The following LAMTOR3 variants were observed in gnomAD, a reference collection of about 807,000 sequenced individuals.
LAMTOR3 encodes the protein late endosomal/lysosomal adaptor, MAPK and MTOR activator 3, also known as ragulator complex protein LAMTOR3.
In LAMTOR3, 14 loss-of-function variants were observed where a neutral mutation model predicts 20.3. The ratio of observed to expected loss-of-function variants is 0.69; its 90% CI spans 0.46 to 1.08. The LOEUF (loss-of-function observed/expected upper bound fraction) is 1.08, where lower values mean the gene tolerates loss of function less well. Ranked by LOEUF, LAMTOR3 falls within the 50% of genes least tolerant of loss-of-function variation. LAMTOR3 has a pLI of 0.00. For missense variants in LAMTOR3, 125 were observed against 143.7 expected (o/e 0.87, Z 0.67); for synonymous variants, 40 against 49.4 (o/e 0.81, Z 0.80).
At chr4:99,884,321 T>G (rs1326828145) in intron 5 of LAMTOR3, among the ~76,000 whole-genome samples, 196 bp from the exon 6 acceptor site, 1 of 152,184 alleles carries the variant, frequency 6.6e-6, no homozygotes, top group East Asian at 1.9e-4. Context: ...GATGATCTCT[T>G]AGAGACATTA....
At chr4:99,884,797 T>C (rs1020981804) in intron 5 of LAMTOR3, among the ~76,000 whole-genome samples, 2 of 152,100 alleles carry the variant, frequency 1.3e-5, no homozygotes, top group Non-Finnish European at 2.9e-5. Flanking sequence ...AAAGTCCGTC[T>C]CTACCAAAAA....
chr4:99,878,466 A>T lies in LAMTOR3; in HGVS notation c.*3528T>A, dbSNP rs953757545. On this transcript the variant is annotated 3_prime_UTR_variant, in exon 7 of 7. Transcript: ENST00000499666. ...AAACTCAAAGTACAATGAAGTTTACAATGAAAAGGCTCACTCCTGGGATCC... is the reference window on the plus strand; with the variant it reads ...AAACTCAAAGTACAATGAAGTTTACTATGAAAAGGCTCACTCCTGGGATCC... 1 of 152,222 alleles carries T rather than the reference A, an allele frequency of 6.6e-6. No homozygotes were observed. Among genetic ancestry groups the T allele is most frequent in the African/African-American group, 2.4e-5 (1 of 41,468 alleles). 9.4% of individuals were successfully genotyped at this position (152,222 alleles called of 1,614,324 possible). A position where few individuals can be genotyped will look rare whatever the true frequency, so the allele number is the denominator to read the frequency against.
rs937373119 is a variant in LAMTOR3, at chr4:99,879,404, A to G, written c.*2590T>C. The G allele has an allele frequency of 2.6e-5, 4 of 152,202 alleles. No individual in the cohort carries two copies. Among genetic ancestry groups the G allele is most frequent in the African/African-American group, 9.7e-5 (4 of 41,442 alleles). 9.4% of individuals were successfully genotyped at this position (152,202 alleles called of 1,614,324 possible). A position where few individuals can be genotyped will look rare whatever the true frequency, so the allele number is the denominator to read the frequency against. On this transcript the variant is annotated 3_prime_UTR_variant, in exon 7 of 7. Coordinates refer to ENST00000499666, the MANE Select transcript of LAMTOR3 (RefSeq NM_021970.4). ...AACAGTGGCAGCATTCAACATGTAA[A>G]GGTTAAGTAGCTCCATTTGTTATCA...
intron 3 of LAMTOR3, among the ~76,000 whole-genome samples, chr4:99,889,059 G>T (rs752344307): frequency 5.3e-5 from 8 of 152,068 alleles, no homozygotes; most frequent in Non-Finnish European, 1.0e-4. Flanking sequence ...ACAAAAATTA[G>T]CTGGGTGTGG....
intron 3 of LAMTOR3, among the ~76,000 whole-genome samples, chr4:99,888,112 C>G (rs1458226393): frequency 1.3e-5 from 2 of 152,188 alleles, no homozygotes; most frequent in African/African-American, 4.8e-5. Flanking sequence ...AACGGTCAAG[C>G]TATAGCTCTA....
intron 3 of LAMTOR3, among the ~76,000 whole-genome samples, chr4:99,888,490 T>G (rs1439882005): frequency 6.6e-6 from 1 of 152,198 alleles, no homozygotes; most frequent in Non-Finnish European, 1.5e-5. Context: ...ACTTTCAACA[T>G]TTATGCAAAA....
At chr4:99,883,778 C>CAA (rs368560480) in intron 6 of LAMTOR3, among the ~76,000 whole-genome samples, 18 of 101,530 alleles carry the variant, frequency 1.8e-4, no homozygotes, top group African/African-American at 3.6e-4. Flanking sequence ...TTCCTGTCTC[C>CAA]AAAAAAAAAA....
At chr4:99,884,036 G>A (rs747388976) in intron 6 of LAMTOR3, 26 bp downstream of exon 6, 2 of 1,466,676 alleles carry the variant, frequency 1.4e-6, no homozygotes, top group South Asian at 2.4e-5. Context: ...AAGGATTAAA[G>A]TGATATTTAA....
intron 4 of LAMTOR3, 143 bp downstream of exon 4, chr4:99,887,153 A>G: frequency 2.1e-6 from 1 of 473,080 alleles, no homozygotes; most frequent in Non-Finnish European, 3.8e-6. Flanking sequence ...ATACAAAAGC[A>G]AACACTTTCC....
intron 2 of LAMTOR3, 116 bp downstream of exon 2, chr4:99,893,839 G>T: frequency 1.5e-6 from 1 of 661,494 alleles, no homozygotes; most frequent in Non-Finnish European, 2.4e-6. Flanking sequence ...ACTGGGATGG[G>T]TGGGGCTGGG....
intron 3 of LAMTOR3, among the ~76,000 whole-genome samples, chr4:99,888,375 T>C (rs1578203586): frequency 1.3e-5 from 2 of 152,322 alleles, no homozygotes; most frequent in African/African-American, 4.8e-5. Flanking sequence ...AATTTATCAC[T>C]AAAGTACTAA....
intron 4 of LAMTOR3, among the ~76,000 whole-genome samples, chr4:99,886,296 A>T (rs1022251536): frequency 6.6e-6 from 1 of 152,230 alleles, no homozygotes; most frequent in Non-Finnish European, 1.5e-5. Context: ...CAGCCATTTT[A>T]TAGTGGGTTA....
rs1282065935 is a variant in LAMTOR3 at position 99,882,315 on chromosome 4, A to G, written c.302-248T>C. 3.9e-5 allele frequency among the ~76,000 whole-genome samples: 6 copies of G among 152,186 alleles called. 1 individual carries two copies. The highest frequency in any genetic ancestry group is 8.8e-5 in the Non-Finnish European group (6 of 68,012). ...AGCATCCCTAACCCAAAAATCTCAA[A>G]TATGAAATGCTCCAGTGAGCATTTT... On this transcript the variant is annotated intron_variant, in intron 6 of 6. Transcript: ENST00000499666.
In LAMTOR3 at chr4:99,884,050, C is replaced by A. The variant is rs6532835; in HGVS notation, c.301+12G>T. The A allele has an allele frequency of 0.45, 697,357 of 1,551,548 alleles. 162,839 individuals carry two copies. Among genetic ancestry groups the A allele is most frequent in the African/African-American group, 0.76 (55,973 of 73,344 alleles). On this transcript the variant is annotated intron_variant, in intron 6 of 6. Coordinates refer to ENST00000499666, the MANE Select transcript of LAMTOR3 (RefSeq NM_021970.4). ...TAAGGATTAAAGTGATATTTAAGGT[C>A]ATTAAACACACCTGTATTGGCACTG...
At chr4:99,893,846 TGGGA>T (rs1260133456) in intron 2 of LAMTOR3, 105 bp downstream of exon 2, 12 of 762,364 alleles carry the variant, frequency 1.6e-5, no homozygotes, top group Non-Finnish European at 2.4e-5. Context: ...TGGGTGGGGC[TGGGA>T]GGATCAAAAC....
chr4:99,888,283 A>G (rs1724964446), intron 3 of LAMTOR3, among the ~76,000 whole-genome samples: 1 of 152,220 alleles, frequency 6.6e-6, no homozygotes, highest in Non-Finnish European at 1.5e-5. Flanking sequence ...AAGGCATGTA[A>G]AGTGTAGGCT....
At position 99,881,838 on chromosome 4, in the gene LAMTOR3, A is replaced by G; in HGVS notation, c.*156T>C. On this transcript the variant is annotated 3_prime_UTR_variant, in exon 7 of 7. Transcript: ENST00000499666. ...AGAAAATATAGCAACTGATCTATCT[A>G]TAAATTACATCTATATGCTAGCTCT... The G allele has an allele frequency of 1.6e-6, 1 of 613,706 alleles. No homozygotes were observed. The highest frequency in any genetic ancestry group is 2.9e-6 in the Non-Finnish European group (1 of 345,710). 38.0% of individuals were successfully genotyped at this position (613,706 alleles called of 1,614,324 possible). A position where few individuals can be genotyped will look rare whatever the true frequency, so the allele number is the denominator to read the frequency against.
chr4:99,890,077 T>G (rs968699567), intron 3 of LAMTOR3, among the ~76,000 whole-genome samples: 1 of 152,164 alleles, frequency 6.6e-6, no homozygotes, highest in Non-Finnish European at 1.5e-5. Flanking sequence ...ACTGGCTCAT[T>G]AAGAGATACT....
intron 3 of LAMTOR3, among the ~76,000 whole-genome samples, chr4:99,890,367 C>A (rs969002493): frequency 2.6e-5 from 4 of 152,164 alleles, no homozygotes; most frequent in African/African-American, 9.6e-5. Context: ...CACAAAAACA[C>A]ACATTCCATT....
Sources: gnomAD v4.1 joint callset for allele counts (sites outside exome capture counted in the v4.1 genomes callset) on GRCh38, gnomAD v4.1.1 for gene constraint, MANE v1.5 for transcripts, NCBI Gene and HGNC (gene_info 2026-07-23, HGNC 2026-07-21) for gene names.